The following CAST variants were observed in gnomAD, a reference collection of about 807,000 sequenced individuals.
CAST encodes the protein MIR583 host.
CAST carries 76 observed loss-of-function variants against 119.6 expected under a neutral mutation model. The observed-to-expected ratio is 0.64, with a 90% confidence interval of 0.53 to 0.77. The LOEUF (loss-of-function observed/expected upper bound fraction) is 0.77, where lower values mean the gene tolerates loss of function less well. Among genes scored for constraint, CAST ranks in the 30% least tolerant of loss-of-function variants. The pLI is 0.00. For missense variants in CAST, 953 were observed against 946.5 expected (o/e 1.01, Z -0.09); for synonymous variants, 319 against 331.6 (o/e 0.96, Z 0.41).
the CAST span, among the ~76,000 whole-genome samples, chr5:96,262,983 C>T: frequency 4.6e-5 from 7 of 152,268 alleles, no homozygotes; most frequent in East Asian, 1.3e-3. Flanking sequence ...TCTCCTATGT[C>T]CTGCTATATG....
the CAST span, chr5:96,379,579 A>G: frequency 6.6e-6 from 1 of 152,214 alleles, no homozygotes; most frequent in Non-Finnish European, 1.5e-5. Flanking sequence ...CAGAGGATCT[A>G]CTACCACAGA....
chr5:96,669,736 C>T (rs1749815827), intron 1 of CAST, among the ~76,000 whole-genome samples: 1 of 152,212 alleles, frequency 6.6e-6, no homozygotes, highest in Non-Finnish European at 1.5e-5. Context: ...AGAGCCACCC[C>T]AGTCTGCCTG....
intron 24 of CAST, among the ~76,000 whole-genome samples, chr5:96,759,512 C>T (rs1181330209): frequency 6.6e-6 from 1 of 151,912 alleles, no homozygotes; most frequent in Non-Finnish European, 1.5e-5. Context: ...AAAGAGAAAC[C>T]TGATAAACTA....
At chr5:96,100,554 T>A in the CAST span, among the ~76,000 whole-genome samples, 1 of 152,188 alleles carries the variant, frequency 6.6e-6, no homozygotes, top group Admixed American at 6.5e-5. Flanking sequence ...CAGCTCTGGA[T>A]TTAAACTGCC....
At chr5:96,172,706 G>T in the CAST span, among the ~76,000 whole-genome samples, 1 of 152,174 alleles carries the variant, frequency 6.6e-6, no homozygotes, top group African/African-American at 2.4e-5. Context: ...GTTGCAAACA[G>T]ATCCCTCTCT....
chr5:96,271,588 A>G, the CAST span, among the ~76,000 whole-genome samples: 2 of 152,132 alleles, frequency 1.3e-5, no homozygotes, highest in African/African-American at 2.4e-5. Context: ...CTCACGATGT[A>G]CAAAAATCAA....
chr5:96,523,697 C>A (rs973053802), upstream of CAST, among the ~76,000 whole-genome samples: 1 of 152,234 alleles, frequency 6.6e-6, no homozygotes, highest in Non-Finnish European at 1.5e-5. Flanking sequence ...ATCAGTCCTT[C>A]TGCTCTTCCA....
chr5:96,662,321 CT>C, upstream of CAST: 2 of 674,788 alleles, frequency 3.0e-6, no homozygotes, highest in Non-Finnish European at 2.0e-6. Context: ...GGGCCCTCCG[CT>C]CCCTCCCTCC....
chr5:96,059,591 G>A, the CAST span, among the ~76,000 whole-genome samples: 1 of 138,054 alleles, frequency 7.2e-6, no homozygotes, highest in Non-Finnish European at 1.5e-5. Flanking sequence ...TTCCTGTTAA[G>A]GGAGTGGTAT....
At chr5:96,533,886 C>G (rs1450339563) in intron 1 of CAST, among the ~76,000 whole-genome samples, 1 of 152,112 alleles carries the variant, frequency 6.6e-6, no homozygotes, top group Non-Finnish European at 1.5e-5. Context: ...CTTTGGCCAT[C>G]CTACACCATT....
At chr5:95,961,806 C>G in the CAST span, 3 of 1,463,614 alleles carry the variant, frequency 2.0e-6, no homozygotes, top group South Asian at 4.1e-5. Context: ...TCTGCAGCCG[C>G]CGCCACTGCT....
the CAST span, among the ~76,000 whole-genome samples, chr5:96,469,099 C>G: frequency 2.1e-3 from 314 of 152,104 alleles, 1 homozygote; most frequent in African/African-American, 6.8e-3. Flanking sequence ...AAATAGACAG[C>G]AGGTGACAGG....
chr5:96,171,158 G>C, the CAST span, among the ~76,000 whole-genome samples: 40 of 152,140 alleles, frequency 2.6e-4, no homozygotes, highest in African/African-American at 9.2e-4. Flanking sequence ...ACCTTAGCCC[G>C]TTTGCCTATT....
the CAST span, among the ~76,000 whole-genome samples, chr5:96,008,314 G>T: frequency 6.6e-6 from 1 of 152,094 alleles, no homozygotes; most frequent in Admixed American, 6.5e-5. Flanking sequence ...CACTTTTCCT[G>T]TTACTATACT....
At chr5:96,166,570 T>G in the CAST span, among the ~76,000 whole-genome samples, 1 of 152,194 alleles carries the variant, frequency 6.6e-6, no homozygotes, top group Non-Finnish European at 1.5e-5. Context: ...TCTTATTAAA[T>G]AAAGCTTCCC....
the CAST span, among the ~76,000 whole-genome samples, chr5:96,432,657 G>T: frequency 6.6e-6 from 1 of 152,172 alleles, no homozygotes; most frequent in Admixed American, 6.5e-5. Flanking sequence ...GCTTCCTTCT[G>T]CTTGGCTGCG....
chr5:96,743,145 C>T (rs1434426098), intron 16 of CAST, among the ~76,000 whole-genome samples: 1 of 152,054 alleles, frequency 6.6e-6, no homozygotes, highest in Non-Finnish European at 1.5e-5. Flanking sequence ...TGGGAAGATC[C>T]TTCATTTATC....
the CAST span, among the ~76,000 whole-genome samples, chr5:96,265,266 C>T: frequency 3.3e-5 from 5 of 151,482 alleles, no homozygotes; most frequent in South Asian, 2.1e-4. Context: ...AGGAGGTGTG[C>T]GTGTGTGTGT....
At chr5:96,124,521 T>G in the CAST span, among the ~76,000 whole-genome samples, 3 of 152,096 alleles carry the variant, frequency 2.0e-5, no homozygotes, top group Admixed American at 6.6e-5. Flanking sequence ...AACTATATGG[T>G]TGACTCAGAT....
Sources: gnomAD v4.1 joint callset for allele counts (sites outside exome capture counted in the v4.1 genomes callset) on GRCh38, gnomAD v4.1.1 for gene constraint, MANE v1.5 for transcripts, NCBI Gene and HGNC (gene_info 2026-07-23, HGNC 2026-07-21) for gene names.